PLPP1: variants seen among roughly 807,000 people sequenced by gnomAD.
PLPP1 encodes the protein lipid phosphate phosphohydrolase 1a.
Under a neutral mutation model 31.2 loss-of-function variants are expected in PLPP1, and 24 were observed. The observed-to-expected ratio is 0.77, with a 90% CI of 0.56 to 1.08. The LOEUF is 1.08. Ranked by LOEUF, PLPP1 falls within the 50% of genes least tolerant of loss-of-function variation. PLPP1 has a pLI of 0.00. For missense variants in PLPP1, 319 were observed against 342.7 expected, an observed-to-expected ratio of 0.93 and a Z score of 0.55; for synonymous variants, 146 against 126.3, an observed-to-expected ratio of 1.16 and a Z score of -1.05.
chr5:55,508,521 T>C (rs1371453308), intron 1 of PLPP1, among the ~76,000 whole-genome samples: 1 of 152,226 alleles, frequency 6.6e-6, no homozygotes, highest in African/African-American at 2.4e-5. Flanking sequence ...TGAACAGTCA[T>C]CCTGCAAAAC....
chr5:55,448,091 A>AT (rs1751807696), intron 3 of PLPP1, among the ~76,000 whole-genome samples: 1 of 152,262 alleles, frequency 6.6e-6, no homozygotes, highest in South Asian at 2.1e-4. Context: ...ACAAATGGAT[A>AT]TATGAGCAAT....
intron 1 of PLPP1, among the ~76,000 whole-genome samples, chr5:55,507,773 T>C (rs1265428954): frequency 6.6e-6 from 1 of 152,118 alleles, no homozygotes. Flanking sequence ...CTCAGTCTCA[T>C]TGAGTAGTAA....
chr5:55,449,203 C>T (rs1402668600), intron 3 of PLPP1, among the ~76,000 whole-genome samples: 1 of 152,136 alleles, frequency 6.6e-6, no homozygotes, highest in Non-Finnish European at 1.5e-5. Flanking sequence ...TACAATTTCA[C>T]ATTCAATATA....
intron 1 of PLPP1, among the ~76,000 whole-genome samples, chr5:55,503,152 G>C (rs763894980): frequency 6.6e-6 from 1 of 152,166 alleles, no homozygotes; most frequent in Non-Finnish European, 1.5e-5. Flanking sequence ...CTTACTCCCA[G>C]AACTGTTCCT....
chr5:55,452,283 T>C (rs1284328540), intron 3 of PLPP1, among the ~76,000 whole-genome samples: 1 of 152,170 alleles, frequency 6.6e-6, no homozygotes. Flanking sequence ...GAGTGAGTTC[T>C]CACTCAGTTC....
At chr5:55,484,501 A>G (rs1053293661) in intron 1 of PLPP1, 1 of 152,156 alleles carries the variant, frequency 6.6e-6, no homozygotes, top group African/African-American at 2.4e-5. Flanking sequence ...GAAACAACGA[A>G]AACTTTTTTA....
chr5:55,475,396 ACTC>A lies in PLPP1; in HGVS notation c.110_112del (p.Gly37del). The A allele has an allele frequency of 6.2e-7, 1 of 1,612,574 alleles. No individual in the cohort carries two copies. The highest frequency in any genetic ancestry group is 8.5e-7 in the Non-Finnish European group (1 of 1,179,110). ...CTTGATGGACTCATCATTACAGAATACTCCTCGTTGGAAGGGGGTATGCCTTGA... is the reference window on the plus strand; with the variant it reads ...CTTGATGGACTCATCATTACAGAATACTCGTTGGAAGGGGGTATGCCTTGA... On this transcript the variant is annotated inframe_deletion, in exon 2 of 6. Coordinates refer to ENST00000307259, the MANE Select transcript of PLPP1 (RefSeq NM_003711.4).
chr5:55,481,400 G>A (rs1338508919), intron 1 of PLPP1, among the ~76,000 whole-genome samples: 2 of 152,116 alleles, frequency 1.3e-5, no homozygotes, highest in Non-Finnish European at 2.9e-5. Flanking sequence ...GTATTCCATT[G>A]TACGAATCTA....
At chr5:55,471,172 T>C (rs1752405414) in intron 2 of PLPP1, among the ~76,000 whole-genome samples, 1 of 151,818 alleles carries the variant, frequency 6.6e-6, no homozygotes. Flanking sequence ...GATTTTTTTC[T>C]CAAAAGTCAA....
At chr5:55,440,443 A>AT (rs1467023154) in intron 4 of PLPP1, among the ~76,000 whole-genome samples, 17 of 152,178 alleles carry the variant, frequency 1.1e-4, no homozygotes, top group Non-Finnish European at 2.5e-4. Context: ...AAGAATGCTG[A>AT]TTTTTTTCTA....
chr5:55,473,841 G>A (rs1365090030), intron 2 of PLPP1, among the ~76,000 whole-genome samples: 2 of 151,838 alleles, frequency 1.3e-5, no homozygotes, highest in Non-Finnish European at 2.9e-5. Flanking sequence ...TTGCGAGGAG[G>A]GGGATGGATA....
At chr5:55,513,266 T>C (rs1217786595) in intron 1 of PLPP1, among the ~76,000 whole-genome samples, 3 of 77,078 alleles carry the variant, frequency 3.9e-5, no homozygotes, top group Non-Finnish European at 8.8e-5. Flanking sequence ...CTATAATGAC[T>C]CCTTTTTTTT....
chr5:55,469,511 TAAAAAAA>T (rs11339238), intron 2 of PLPP1, among the ~76,000 whole-genome samples: 1 of 143,880 alleles, frequency 7.0e-6, no homozygotes, highest in Non-Finnish European at 1.5e-5. Context: ...TAATAAAAAT[TAAAAAAA>T]AAAAAAAACC....
intron 1 of PLPP1, among the ~76,000 whole-genome samples, chr5:55,521,351 CA>C (rs35191893): frequency 0.016 from 2,298 of 140,752 alleles, 58 homozygotes; most frequent in African/African-American, 0.054. Flanking sequence ...GACTCTGTCT[CA>C]AAAAAAAAAA....
intron 1 of PLPP1, among the ~76,000 whole-genome samples, chr5:55,533,361 T>G (rs1579993064): frequency 6.8e-6 from 1 of 146,138 alleles, no homozygotes; most frequent in African/African-American, 2.6e-5. Context: ...CCAGCCTGGG[T>G]GACAGAGAGA....
chr5:55,461,934 T>C (rs1353381510), intron 3 of PLPP1, among the ~76,000 whole-genome samples: 1 of 151,684 alleles, frequency 6.6e-6, no homozygotes, highest in East Asian at 1.9e-4. Flanking sequence ...CAATTGGAAA[T>C]TGATTAAAAA....
At chr5:55,492,919 A>G (rs1214673106) in intron 1 of PLPP1, among the ~76,000 whole-genome samples, 1 of 152,202 alleles carries the variant, frequency 6.6e-6, no homozygotes, top group Non-Finnish European at 1.5e-5. Context: ...CATGGAGACA[A>G]GTGATCTGGC....
chr5:55,491,154 C>A, intron 1 of PLPP1: 1 of 1,586,954 alleles, frequency 6.3e-7, no homozygotes, highest in Non-Finnish European at 8.6e-7. Context: ...TGATTAAATT[C>A]AATTCACTTC....
rs999024701 is a variant in PLPP1, at chr5:55,534,944, C to T, written c.-315G>A. ...CGGCCTGCCCCGGTTGCTCCCCGTCCGGATCCCGGCGCTCTCTCCCACAGG... is the reference window on the plus strand; with the variant it reads ...CGGCCTGCCCCGGTTGCTCCCCGTCTGGATCCCGGCGCTCTCTCCCACAGG... On this transcript the variant is annotated 5_prime_UTR_variant, in exon 1 of 6. Coordinates refer to ENST00000307259, the MANE Select transcript of PLPP1 (RefSeq NM_003711.4). The T allele has an allele frequency of 5.1e-5, 19 of 369,258 alleles. No homozygotes were observed. Among genetic ancestry groups the T allele is most frequent in the African/African-American group, 3.4e-4 (16 of 46,652 alleles). 22.9% of individuals were successfully genotyped at this position (369,258 alleles called of 1,614,324 possible).
Sources: gnomAD v4.1 joint callset for allele counts (sites outside exome capture counted in the v4.1 genomes callset) on GRCh38, gnomAD v4.1.1 for gene constraint, MANE v1.5 for transcripts, NCBI Gene and HGNC (gene_info 2026-07-23, HGNC 2026-07-21) for gene names.